FGF12: variants seen among roughly 807,000 people sequenced by gnomAD.
FGF12 encodes the protein fibroblast growth factor 12B.
Under a neutral mutation model 23.6 loss-of-function variants are expected in FGF12, and 14 were observed. The ratio of observed to expected loss-of-function variants is 0.59; its 90% CI spans 0.39 to 0.93. The LOEUF (loss-of-function observed/expected upper bound fraction) is 0.93, where lower values mean the gene tolerates loss of function less well. FGF12 is among the 40% of genes least tolerant of loss of function. The probability of loss-of-function intolerance (pLI) is 0.00; values close to 1 mark genes in which losing one functional copy is unlikely to be tolerated. For synonymous variants in FGF12, 62 were observed against 77.3 expected (o/e 0.80, Z 1.04); for missense variants, 175 against 217.8 (o/e 0.80, Z 1.24).
chr3:192,236,643 TC>T (rs1719312477), intron 4 of FGF12, among the ~76,000 whole-genome samples: 1 of 152,194 alleles, frequency 6.6e-6, no homozygotes, highest in Non-Finnish European at 1.5e-5. Context: ...TGGCTTAAAG[TC>T]TGTTTTATCT....
At chr3:192,556,625 A>C (rs560379909) in intron 2 of FGF12, among the ~76,000 whole-genome samples, 1 of 152,242 alleles carries the variant, frequency 6.6e-6, no homozygotes, top group Admixed American at 6.5e-5. Context: ...CAGAGAAGAA[A>C]CCAATAAGGA....
At chr3:192,721,843 A>G (rs1378660606) in intron 2 of FGF12, among the ~76,000 whole-genome samples, 2 of 152,190 alleles carry the variant, frequency 1.3e-5, no homozygotes, top group African/African-American at 4.8e-5. Context: ...AAGGGGAAAC[A>G]AAAGGCAGGA....
At chr3:192,704,694 A>T (rs935336081) in intron 2 of FGF12, among the ~76,000 whole-genome samples, 9 of 152,206 alleles carry the variant, frequency 5.9e-5, no homozygotes, top group Non-Finnish European at 1.0e-4. Context: ...CCAGACATTG[A>T]CTTCTTTCTC....
chr3:192,495,244 A>T (rs765046477), intron 2 of FGF12, among the ~76,000 whole-genome samples: 1 of 152,206 alleles, frequency 6.6e-6, no homozygotes, highest in Admixed American at 6.5e-5. Context: ...GCTATACTGA[A>T]CAAAGCTATA....
At chr3:192,166,528 T>C (rs2108611899) in intron 5 of FGF12, among the ~76,000 whole-genome samples, 1 of 152,384 alleles carries the variant, frequency 6.6e-6, no homozygotes, top group Middle Eastern at 3.4e-3. Flanking sequence ...ATTGTTCAAG[T>C]CAGAATGCTT....
At chr3:192,499,530 T>A (rs1351188712) in intron 2 of FGF12, among the ~76,000 whole-genome samples, 63 of 97,288 alleles carry the variant, frequency 6.5e-4, no homozygotes, top group African/African-American at 8.4e-4. Flanking sequence ...TTTTTTTTTT[T>A]TTTTTTTTTT....
At position 192,526,555 on chromosome 3, in the gene FGF12, TAC is replaced by T. The variant is rs375999433; in HGVS notation, c.14-166019_14-166018del. Among the ~76,000 whole-genome samples, 25 of 151,316 alleles carry T rather than the reference TAC, an allele frequency of 1.7e-4. 1 individual carries two copies. In the South Asian group the frequency reaches 3.6e-3, roughly 21 times the overall value. On this transcript the variant is annotated intron_variant, in intron 2 of 5. Coordinates refer to ENST00000445105, the MANE Select transcript of FGF12 (RefSeq NM_004113.6). ...TCAAGCTTATAAACACACACACGCA[TAC>T]ACACACACACACATGCACACAGACA... is the stretch of plus-strand genomic sequence containing the variant.
intron 2 of FGF12, among the ~76,000 whole-genome samples, chr3:192,519,932 G>GT (rs1465843615): frequency 6.6e-6 from 1 of 152,156 alleles, no homozygotes; most frequent in African/African-American, 2.4e-5. Context: ...TACCCCAATT[G>GT]TTTTTTAGCA....
At chr3:192,594,799 CA>C (rs1713773042) in intron 2 of FGF12, among the ~76,000 whole-genome samples, 1 of 151,884 alleles carries the variant, frequency 6.6e-6, no homozygotes, top group Non-Finnish European at 1.5e-5. Flanking sequence ...TTAGACTTCC[CA>C]GTCTCCAGAA....
intron 2 of FGF12, among the ~76,000 whole-genome samples, chr3:192,532,185 A>G (rs1369879482): frequency 2.6e-5 from 4 of 152,132 alleles, no homozygotes; most frequent in Non-Finnish European, 5.9e-5. Flanking sequence ...GGGCAAGGTG[A>G]TGCCTCCAGA....
intron 4 of FGF12, among the ~76,000 whole-genome samples, chr3:192,319,521 T>A (rs1346024027): frequency 1.3e-5 from 2 of 151,994 alleles, no homozygotes; most frequent in Non-Finnish European, 1.5e-5. Context: ...AACTTGAACC[T>A]GGGAGGCGGA....
chr3:192,297,477 C>A (rs1715108268), intron 4 of FGF12, among the ~76,000 whole-genome samples: 1 of 152,162 alleles, frequency 6.6e-6, no homozygotes, highest in Non-Finnish European at 1.5e-5. Context: ...ATATATAAGA[C>A]TCCCAGAGGC....
chr3:192,407,926 A>G, intron 2 of FGF12: 2 of 1,278,998 alleles, frequency 1.6e-6, no homozygotes, highest in South Asian at 2.8e-5. Context: ...AATGTAAAAG[A>G]GGAATCCTGG....
At chr3:192,402,217 T>C (rs982408328) in intron 2 of FGF12, among the ~76,000 whole-genome samples, 4 of 152,258 alleles carry the variant, frequency 2.6e-5, no homozygotes, top group African/African-American at 4.8e-5. Flanking sequence ...TTTATGTTTA[T>C]GGTTAAGAGA....
intron 4 of FGF12, among the ~76,000 whole-genome samples, chr3:192,311,558 G>C (rs1715937954): frequency 6.6e-6 from 1 of 152,050 alleles, no homozygotes; most frequent in South Asian, 2.1e-4. Context: ...ATGGACATTT[G>C]AATTGTTTCT....
intron 5 of FGF12, among the ~76,000 whole-genome samples, chr3:192,158,637 T>TTTCC (rs1560171875): frequency 8.3e-4 from 7 of 8,452 alleles, no homozygotes; most frequent in Non-Finnish European, 2.1e-3. Context: ...TCTCTGTTTT[T>TTTCC]TCCCTCCCTC....
intron 2 of FGF12, among the ~76,000 whole-genome samples, chr3:192,567,529 C>G (rs1289700715): frequency 7.9e-5 from 12 of 152,098 alleles, no homozygotes; most frequent in Admixed American, 7.9e-4. Context: ...GCTTTAAAAA[C>G]CCACTACAGA....
At chr3:192,694,921 T>C (rs113252296) in intron 2 of FGF12, among the ~76,000 whole-genome samples, 1 of 151,934 alleles carries the variant, frequency 6.6e-6, no homozygotes, top group Non-Finnish European at 1.5e-5. Flanking sequence ...AGAGTTGCAG[T>C]TGTGTAGGAT....
At chr3:192,530,096 C>A (rs2108850567) in intron 2 of FGF12, among the ~76,000 whole-genome samples, 1 of 152,152 alleles carries the variant, frequency 6.6e-6, no homozygotes, top group South Asian at 2.1e-4. Context: ...TACCCTTAAC[C>A]CACTTCTGTT....
Sources: allele counts gnomAD v4.1 joint callset (sites outside exome capture counted in the v4.1 genomes callset), GRCh38; gene constraint gnomAD v4.1.1; transcripts MANE v1.5; gene names NCBI Gene and HGNC (gene_info 2026-07-23, HGNC 2026-07-21).